Variants in B9D1 observed in about 807,000 individuals in gnomAD.
The protein encoded by B9D1 is B9 domain containing 1, also known as B9 domain-containing protein 1.
A neutral mutation model predicts 26.1 loss-of-function variants in B9D1; 20 were observed. The ratio of observed to expected loss-of-function variants is 0.77; its 90% CI spans 0.54 to 1.12. The LOEUF (loss-of-function observed/expected upper bound fraction) is 1.12. Among genes scored for constraint, B9D1 ranks in the 50% most tolerant of loss-of-function variants. The pLI is 0.00. For synonymous variants in B9D1, 105 were observed against 103.1 expected, an observed-to-expected ratio of 1.02 and a Z score of -0.11; for missense variants, 260 against 273.7, an observed-to-expected ratio of 0.95 and a Z score of 0.35.
intron 3 of B9D1, 52 bp downstream of exon 3, chr17:19,357,788 G>T: frequency 7.7e-7 from 1 of 1,305,202 alleles, no homozygotes; most frequent in Non-Finnish European, 1.1e-6. Context: ...TGTCTTGGGG[G>T]TGCTGTGTGA....
Position 19,370,033 on chromosome 17 carries a change from G to A in B9D1, c.-298+7826C>T, listed in dbSNP as rs1911814451. On this transcript the variant is annotated intron_variant, in intron 1 of 5. Transcript: ENST00000477478. The surrounding 1 kb of genome is among the most constrained non-coding windows in gnomAD (Gnocchi z 5.1). ...TGGGCAGGGAGCACACCACTGATGG[G>A]TGAAATGATGATCTCACAGGAAACC... 1.3e-5 allele frequency among the ~76,000 whole-genome samples: 2 copies of A among 152,184 alleles called. No individual in the cohort carries two copies. The highest frequency in any genetic ancestry group is 4.8e-5 in the African/African-American group (2 of 41,442).
At chr17:19,366,524 G>C (rs957125407), upstream of B9D1, among the ~76,000 whole-genome samples, 4 of 152,084 alleles carry the variant, frequency 2.6e-5, no homozygotes, top group Non-Finnish European at 5.9e-5. Flanking sequence ...TGACCCCCCA[G>C]ACCAGTGCTC....
At chr17:19,344,431 G>A (rs554967330) in intron 5 of B9D1, 43 of 241,476 alleles carry the variant, frequency 1.8e-4, no homozygotes, top group South Asian at 1.6e-3. Flanking sequence ...CCACCAGGCT[G>A]AGCATGCGCC....
downstream of B9D1, chr17:19,337,502 C>T (rs539230256): frequency 1.2e-4 from 65 of 525,474 alleles, 1 homozygote; most frequent in East Asian, 1.8e-3. Context: ...GGTGTCCACC[C>T]AAGGATAAGC....
upstream of B9D1, chr17:19,362,793 C>T: frequency 7.3e-7 from 1 of 1,373,696 alleles, no homozygotes; most frequent in South Asian, 1.3e-5. Context: ...GCCGAGGCTC[C>T]ACCCCTCCTT....
chr17:19,366,658 C>A (rs1391839473), upstream of B9D1, among the ~76,000 whole-genome samples: 1 of 152,186 alleles, frequency 6.6e-6, no homozygotes, highest in Non-Finnish European at 1.5e-5. Flanking sequence ...GTCCCCAAAT[C>A]ATTTCTCTCA....
chr17:19,340,867 G>C (rs1374101552), downstream of B9D1: 2 of 156,082 alleles, frequency 1.3e-5, no homozygotes, highest in Admixed American at 1.3e-4. Flanking sequence ...ACTAAAGCCA[G>C]ACACTGGATT....
chr17:19,349,705 A>T (rs1302998764), intron 3 of B9D1, among the ~76,000 whole-genome samples: 1 of 152,040 alleles, frequency 6.6e-6, no homozygotes, highest in Non-Finnish European at 1.5e-5. Flanking sequence ...ATTGATTTAT[A>T]GTGTGTATAT....
chr17:19,353,739 G>C (rs555327971), intron 3 of B9D1, among the ~76,000 whole-genome samples: 2 of 152,098 alleles, frequency 1.3e-5, no homozygotes, highest in African/African-American at 2.4e-5. Flanking sequence ...TCAGGAGTTC[G>C]AGACCAGCAT....
At position 19,355,547 on chromosome 17, in the gene B9D1, C is replaced by T. The variant is rs940661868; in HGVS notation, c.244+2293G>A. On this transcript the variant is annotated intron_variant, in intron 3 of 6. Coordinates refer to ENST00000261499, the MANE Select transcript of B9D1 (RefSeq NM_015681.6). Reference sequence around the variant, plus strand: ...TGCAATTAAAAAAAAAAAAAAAAATCGGCTGGGCGTGGTGGCTCACGCCTG... The same window carrying T: ...TGCAATTAAAAAAAAAAAAAAAAATTGGCTGGGCGTGGTGGCTCACGCCTG... Among the ~76,000 whole-genome samples, 8 of 132,184 alleles carry T rather than the reference C, an allele frequency of 6.1e-5. No homozygotes were observed. The Middle Eastern group carries it at 0.013, about 207-fold the overall frequency. 86.7% of individuals were successfully genotyped at this position (132,184 alleles called of 152,430 possible). A position where few individuals can be genotyped will look rare whatever the true frequency, so the allele number is the denominator to read the frequency against.
Position 19,347,329 on chromosome 17 carries a change from T to G in B9D1, c.344A>C (p.His115Pro), listed in dbSNP as rs748742792. ...AVHVPFSPGRHKRTIPMFVPE... is the reference protein window; with the variant it reads ...AVHVPFSPGRPKRTIPMFVPE... The stretch of plus-strand genomic sequence containing the variant: ...GACAAACATGGGGATGGTCCTTTTG[T>G]GCCTGAAACAAATGTTTTTGCAGAC... The change falls in exon 5 of 7, where the codon CAC becomes CCC. Residue 115 changes from histidine (H) to proline (P), a missense_variant and splice_region_variant. Coordinates refer to ENST00000261499, the MANE Select transcript of B9D1 (RefSeq NM_015681.6). This position sits in a 1 kb window ranked among gnomAD's most constrained non-coding sequence, Gnocchi z 4.3. 2 of 1,614,112 alleles carry G rather than the reference T, an allele frequency of 1.2e-6. No homozygotes were observed. Among genetic ancestry groups the G allele is most frequent in the African/African-American group, 2.7e-5 (2 of 74,930 alleles).
intron 2 of B9D1, among the ~76,000 whole-genome samples, chr17:19,358,671 G>A (rs1324889956): frequency 3.3e-5 from 5 of 152,190 alleles, no homozygotes; most frequent in African/African-American, 1.2e-4. Context: ...CCCCTGCTCA[G>A]TGGCTCTTGC....
At chr17:19,373,604 A>AC (rs1911990329) in intron 1 of B9D1, among the ~76,000 whole-genome samples, 1 of 152,024 alleles carries the variant, frequency 6.6e-6, no homozygotes, top group Admixed American at 6.6e-5. Context: ...TCACCATGTT[A>AC]GTCAGGCTGG....
Position 19,372,520 on chromosome 17 carries a change from T to C in B9D1, c.-298+5339A>G, listed in dbSNP as rs1255465197. ...CCCTCTGCTGCCGCATGCTCGTCTA[T>C]TAGGTCCTGACTTACATGTCACTTC... On this transcript the variant is annotated intron_variant, in intron 1 of 5. Coordinates refer to the B9D1 transcript ENST00000477478. This position sits in a 1 kb window ranked among gnomAD's most constrained non-coding sequence, Gnocchi z 4.4. Among the ~76,000 whole-genome samples the C allele has an allele frequency of 6.6e-6, 1 of 152,208 alleles. No homozygotes were observed. Among genetic ancestry groups the C allele is most frequent in the African/African-American group, 2.4e-5 (1 of 41,454 alleles).
At chr17:19,337,426 C>G, downstream of B9D1, 1 of 337,582 alleles carries the variant, frequency 3.0e-6, no homozygotes, top group South Asian at 7.7e-5. Flanking sequence ...GGCCTTGAGA[C>G]GAGCCTGGAG....
chr17:19,341,814 G>A (rs1907999156), downstream of B9D1, among the ~76,000 whole-genome samples: 1 of 152,212 alleles, frequency 6.6e-6, no homozygotes, highest in South Asian at 2.1e-4. Flanking sequence ...AGGGCACTAT[G>A]GGAAGTGCAT....
Position 19,370,849 on chromosome 17 carries a change from G to C in B9D1, c.-298+7010C>G, listed in dbSNP as rs1473787164. ...GCCTCAGGGGCAGTCCCTTTCCCAC[G>C]GGGAGGGCCGCATGCAAATGCCACA... On this transcript the variant is annotated intron_variant, in intron 1 of 5. Transcript: ENST00000477478. This position sits in a 1 kb window ranked among gnomAD's most constrained non-coding sequence, Gnocchi z 5.1. Among the ~76,000 whole-genome samples the C allele has an allele frequency of 6.6e-6, 1 of 152,198 alleles. No homozygotes were observed. The highest frequency in any genetic ancestry group is 6.5e-5 in the Admixed American group (1 of 15,274).
chr17:19,342,348 T>TGGTCTCAGGGCAAGTGCCATGACGAC (rs1299861208), downstream of B9D1, among the ~76,000 whole-genome samples: 2 of 152,018 alleles, frequency 1.3e-5, no homozygotes, highest in African/African-American at 4.8e-5. Flanking sequence ...TCGGCCCAGA[T>TGGTCTCAGGGCAAGTGCCATGACGAC]GGTCTCAGGG....
intron 2 of B9D1, among the ~76,000 whole-genome samples, chr17:19,358,803 TTA>T (rs1048672899): frequency 3.4e-4 from 52 of 152,312 alleles, no homozygotes; most frequent in African/African-American, 1.2e-3. Context: ...ATTCCCAAAT[TTA>T]TGTCTCCAGC....
Sources: allele counts gnomAD v4.1 joint callset (sites outside exome capture counted in the v4.1 genomes callset), GRCh38; gene constraint gnomAD v4.1.1; non-coding constraint Gnocchi (gnomAD v3.1); transcripts MANE v1.5; gene names NCBI Gene and HGNC (gene_info 2026-07-23, HGNC 2026-07-21).